MEF2D: variants seen among roughly 807,000 people sequenced by gnomAD.
MEF2D encodes the protein myocyte-specific enhancer factor 2D.
MEF2D carries 10 observed loss-of-function variants against 59.3 expected under a neutral mutation model. The observed-to-expected ratio is 0.17, with a 90% CI of 0.10 to 0.29. The LOEUF (loss-of-function observed/expected upper bound fraction) is 0.29, where lower values mean the gene tolerates loss of function less well. Among genes scored for constraint, MEF2D ranks in the 10% least tolerant of loss-of-function variants. The probability of loss-of-function intolerance (pLI) is 1.00; values close to 1 mark genes in which losing one functional copy is unlikely to be tolerated. For synonymous variants in MEF2D, 305 were observed against 295.0 expected, an observed-to-expected ratio of 1.03 and a Z score of -0.35; for missense variants, 508 against 699.4, an observed-to-expected ratio of 0.73 and a Z score of 3.09.
Position 156,483,443 on chromosome 1 carries a change from G to T in MEF2D, c.-138-13C>A. On this transcript the variant is annotated splice_polypyrimidine_tract_variant and intron_variant, in intron 1 of 11. Transcript: ENST00000348159. ...TCTGCACAGCCTCCTGGAAAGGGAG[G>T]GTCATGAGAGGTCTCTGAGCCCCCA... 1 of 729,856 alleles carries T rather than the reference G, an allele frequency of 1.4e-6. No homozygotes were observed. Among genetic ancestry groups the T allele is most frequent in the Non-Finnish European group, 2.3e-6 (1 of 429,704 alleles). The allele number at this position is 729,856 out of a possible 1,614,324, so 45.2% of individuals were successfully genotyped here.
At chr1:156,496,691 C>G (rs1193870828) in intron 1 of MEF2D, among the ~76,000 whole-genome samples, 1 of 152,208 alleles carries the variant, frequency 6.6e-6, no homozygotes, top group African/African-American at 2.4e-5. Context: ...TACCCCCCAC[C>G]TCCCGCAGTG....
Position 156,494,937 on chromosome 1 carries a change from G to A in MEF2D, c.-139+5549C>T, listed in dbSNP as rs1410408326. On this transcript the variant is annotated intron_variant, in intron 1 of 11. Transcript: ENST00000348159. ...TCCAGGGCCCATTCCCCAGGTCTGGGCCTGGGAGGCTCACATTGGCCTTGT... is the reference window on the plus strand; with the variant it reads ...TCCAGGGCCCATTCCCCAGGTCTGGACCTGGGAGGCTCACATTGGCCTTGT... Among the ~76,000 whole-genome samples the A allele has an allele frequency of 2.0e-5, 3 of 152,160 alleles. 1 individual carries two copies. The highest frequency in any genetic ancestry group is 4.4e-5 in the Non-Finnish European group (3 of 68,014).
At position 156,477,222 on chromosome 1, in the gene MEF2D, AGGGT is replaced by A. The variant is rs1436435795; in HGVS notation, c.665-24_665-21del. On this transcript the variant is annotated intron_variant, in intron 6 of 11. Transcript: ENST00000348159. ...CATTCCCTGGAGAAGTGACAACAAG[AGGGT>A]AAAAGGAAAAACATGGGCCTATCCT... The A allele has an allele frequency of 1.3e-6, 2 of 1,569,082 alleles. No individual in the cohort carries two copies. The highest frequency in any genetic ancestry group is 1.4e-5 in the African/African-American group (1 of 73,704).
rs779045699 is a variant in MEF2D, at chr1:156,480,936, G to A, written c.294C>T (p.Ser98=). ...LRKKGFNGCD[S]PEPDGEDSLE... is the part of the protein sequence containing the mutation. ...GCGAGTCCTCCCCGTCGGGCTCGGG[G>A]CTGTCGCAGCCGTTGAAGCCCTTCT... The change falls in exon 4 of 12, where the codon AGC becomes AGT. Residue 98 remains serine (S), a synonymous_variant. Transcript: ENST00000348159. 2 of 1,611,992 alleles carry A rather than the reference G, an allele frequency of 1.2e-6. No homozygotes were observed. Among genetic ancestry groups the A allele is most frequent in the African/African-American group, 1.3e-5 (1 of 74,882 alleles).
chr1:156,470,075 T>C (rs1212398390), intron 9 of MEF2D, among the ~76,000 whole-genome samples: 9 of 152,200 alleles, frequency 5.9e-5, no homozygotes, highest in Non-Finnish European at 1.3e-4. Context: ...CATTACGTCA[T>C]AAAATGTCTA....
At chr1:156,491,589 G>C (rs1276813187) in intron 1 of MEF2D, among the ~76,000 whole-genome samples, 1 of 152,222 alleles carries the variant, frequency 6.6e-6, no homozygotes, top group Non-Finnish European at 1.5e-5. Flanking sequence ...CAAGGCCCTT[G>C]TGGCAGAGGC....
At chr1:156,500,241 C>T (rs1215119539) in intron 1 of MEF2D, among the ~76,000 whole-genome samples, 1 of 152,092 alleles carries the variant, frequency 6.6e-6, no homozygotes, top group East Asian at 1.9e-4. Context: ...CTCCCAACAC[C>T]CAAGGGAATT....
At position 156,464,197 on chromosome 1, in the gene MEF2D, G is replaced by A. The variant is rs549531405; in HGVS notation, c.*3448C>T. ...AGGCTCCATGTCTCCTCCCCTCCGCGAAAGCCTAAACTTACCCCTCACCCC... is the reference window on the plus strand; with the variant it reads ...AGGCTCCATGTCTCCTCCCCTCCGCAAAAGCCTAAACTTACCCCTCACCCC... On this transcript the variant is annotated 3_prime_UTR_variant, in exon 12 of 12. Transcript: ENST00000348159. 1 of 152,658 alleles carries A rather than the reference G, an allele frequency of 6.6e-6. No individual in the cohort carries two copies. The highest frequency in any genetic ancestry group is 2.4e-5 in the African/African-American group (1 of 41,498). The allele number at this position is 152,658 out of a possible 1,614,324, so 9.5% of individuals were successfully genotyped here.
rs1418041249 is a variant in MEF2D, at chr1:156,467,676, A to G, written c.1555-20T>C. On this transcript the variant is annotated intron_variant, in intron 11 of 11. Transcript: ENST00000348159. ...TAATGTCTGTGAAGAGAGGAGATGG[A>G]GAAGGGGGTGTGAGGGGGTGGCCCA... 4 of 1,345,250 alleles carry G rather than the reference A, an allele frequency of 3.0e-6. No homozygotes were observed. In the African/African-American group the frequency reaches 6.0e-5, roughly 20 times the overall value. The allele number at this position is 1,345,250 out of a possible 1,614,324, so 83.3% of individuals were successfully genotyped here.
chr1:156,468,674 G>A lies in MEF2D; in HGVS notation c.1247+106C>T, dbSNP rs2101981822. 6.6e-7 allele frequency: 1 copy of A among 1,517,914 alleles called. No homozygotes were observed. The highest frequency in any genetic ancestry group is 2.3e-5 in the East Asian group (1 of 44,006). The allele number at this position is 1,517,914 out of a possible 1,614,324, so 94.0% of individuals were successfully genotyped here. On this transcript the variant is annotated intron_variant, in intron 10 of 11. Transcript: ENST00000348159. This position sits in a 1 kb window ranked among gnomAD's most constrained non-coding sequence, Gnocchi z 4.3. ...GACTGTGCAGTGCACAGCCTCATAG[G>A]ATGTCCACTAGAACCCTGCAGGGAA...
chr1:156,475,000 T>C (rs2102042464), intron 9 of MEF2D, 108 bp downstream of exon 9: 2 of 1,503,090 alleles, frequency 1.3e-6, no homozygotes, highest in Admixed American at 2.0e-5. Context: ...CCCAAATCAG[T>C]AGCCCTCCTC....
In MEF2D at chr1:156,469,028, G is replaced by A. The variant is rs1429049050; in HGVS notation, c.1007-8C>T. On this transcript the variant is annotated splice_region_variant and splice_polypyrimidine_tract_variant and intron_variant, in intron 9 of 11. Transcript: ENST00000348159. ...CACTGGTCAACTGGTAATCTGCATG[G>A]AGGAAAAGTGAGGATGAACCTGGAG... 6 of 1,583,870 alleles carry A rather than the reference G, an allele frequency of 3.8e-6. No individual in the cohort carries two copies. The highest frequency in any genetic ancestry group is 5.2e-6 in the Non-Finnish European group (6 of 1,157,776).
intron 1 of MEF2D, among the ~76,000 whole-genome samples, chr1:156,493,474 G>T (rs964909490): frequency 2.0e-5 from 3 of 152,052 alleles, no homozygotes; most frequent in Non-Finnish European, 4.4e-5. Flanking sequence ...CTGCTGAGGC[G>T]GCCAGCCAGG....
intron 1 of MEF2D, among the ~76,000 whole-genome samples, chr1:156,498,311 T>C (rs1161046591): frequency 2.0e-5 from 3 of 151,954 alleles, no homozygotes; most frequent in Admixed American, 6.5e-5. Flanking sequence ...TCCACCAATC[T>C]TTCAGGCATT....
Position 156,475,093 on chromosome 1 carries a change from C to T in MEF2D, c.1006+15G>A. ...AGCCCAAGTGCACACATGCACATGT[C>T]ACATGAACACTCACCTGTGTTGTAG... On this transcript the variant is annotated intron_variant, in intron 9 of 11. Transcript: ENST00000348159. 1 of 1,614,066 alleles carries T rather than the reference C, an allele frequency of 6.2e-7. No homozygotes were observed. Among genetic ancestry groups the T allele is most frequent in the Non-Finnish European group, 8.5e-7 (1 of 1,179,972 alleles).
rs140867561 is a variant in MEF2D at position 156,482,449 on chromosome 1, G to A, written c.246C>T (p.Ala82=). The A allele has an allele frequency of 2.0e-4, 322 of 1,614,032 alleles. No homozygotes were observed. The African/African-American group carries it at 2.3e-3, about 12-fold the overall frequency. ...TGTATGGGCCCACCTCGATGATGTC[G>A]GCGTTGGTGCGGCTCTCGTGTGGCT... ...YNEPHESRTN[A]DIIETLRKKG... The change falls in exon 3 of 12, where the codon GCC becomes GCT. Residue 82 remains alanine, a synonymous_variant. Transcript: ENST00000348159.
At chr1:156,482,730 G>A in intron 2 of MEF2D, 90 bp from the exon 3 acceptor site, 2 of 1,162,978 alleles carry the variant, frequency 1.7e-6, no homozygotes, top group East Asian at 2.4e-5. Flanking sequence ...CATAGCCCCT[G>A]CCCTCAGGAG....
chr1:156,500,342 C>G (rs1280429530), intron 1 of MEF2D, 144 bp downstream of exon 1: 1 of 152,924 alleles, frequency 6.5e-6, no homozygotes, highest in Non-Finnish European at 1.5e-5. Context: ...AAACACGGCC[C>G]GCTTCGCGAG....
At chr1:156,480,762 G>A (rs965546323) in intron 4 of MEF2D, 72 bp downstream of exon 4, 2 of 1,609,088 alleles carry the variant, frequency 1.2e-6, no homozygotes, top group Middle Eastern at 3.3e-4. Context: ...CATTCCCTGT[G>A]CTTCTTGTGC....
Sources: gnomAD v4.1 joint callset for allele counts (sites outside exome capture counted in the v4.1 genomes callset) on GRCh38, gnomAD v4.1.1 for gene constraint, Gnocchi (gnomAD v3.1) non-coding constraint, MANE v1.5 for transcripts, NCBI Gene and HGNC (gene_info 2026-07-23, HGNC 2026-07-21) for gene names.